The following MLLT10 variants were observed in gnomAD, a reference collection of about 807,000 sequenced individuals.
MLLT10 encodes the protein MLLT10 histone lysine methyltransferase DOT1L cofactor.
Under a neutral mutation model 129.1 loss-of-function variants are expected in MLLT10, and 30 were observed. The observed-to-expected ratio is 0.23, with a 90% CI of 0.17 to 0.32. The LOEUF (loss-of-function observed/expected upper bound fraction) is 0.32. Ranked by LOEUF, MLLT10 falls within the 10% of genes least tolerant of loss-of-function variation. The probability of loss-of-function intolerance (pLI) is 1.00; values close to 1 mark genes in which losing one functional copy is unlikely to be tolerated. For synonymous variants in MLLT10, 490 were observed against 446.4 expected, an observed-to-expected ratio of 1.10 and a Z score of -1.23; for missense variants, 1,119 against 1,268.3, an observed-to-expected ratio of 0.88 and a Z score of 1.79.
At chr10:21,634,684 G>A (rs1241675154) in intron 8 of MLLT10, among the ~76,000 whole-genome samples, 1 of 152,072 alleles carries the variant, frequency 6.6e-6, no homozygotes, top group East Asian at 1.9e-4. Context: ...TTTATTTCTT[G>A]GCATGCTTTG....
intron 4 of MLLT10, among the ~76,000 whole-genome samples, chr10:21,593,969 A>G (rs1317483366): frequency 7.7e-6 from 1 of 130,554 alleles, no homozygotes; most frequent in Non-Finnish European, 1.6e-5. Context: ...GGTGGAAATT[A>G]TTTGTAGCCA....
intron 8 of MLLT10, among the ~76,000 whole-genome samples, chr10:21,649,946 A>G (rs984959737): frequency 2.0e-5 from 3 of 152,210 alleles, no homozygotes; most frequent in African/African-American, 7.2e-5. Flanking sequence ...ATTATCTGCC[A>G]CAATCAAAAT....
chr10:21,556,597 C>A, intron 3 of MLLT10: 1 of 1,468,712 alleles, frequency 6.8e-7, no homozygotes, highest in Middle Eastern at 1.8e-4. Context: ...GAGCCAGTTA[C>A]GCGTTAGTAT....
intron 2 of MLLT10, among the ~76,000 whole-genome samples, chr10:21,535,161 CG>C (rs1176733650): frequency 1.4e-5 from 2 of 146,876 alleles, no homozygotes; most frequent in African/African-American, 5.0e-5. Flanking sequence ...GCGCCCTTCC[CG>C]GGGTTCCCGG....
At chr10:21,565,797 A>C (rs1588972989) in intron 3 of MLLT10, among the ~76,000 whole-genome samples, 1 of 150,676 alleles carries the variant, frequency 6.6e-6, no homozygotes, top group African/African-American at 2.4e-5. Flanking sequence ...GTAGGGACCA[A>C]GTCTTGTTAT....
chr10:21,546,795 T>G (rs938462166), intron 3 of MLLT10, among the ~76,000 whole-genome samples: 5 of 151,812 alleles, frequency 3.3e-5, no homozygotes, highest in African/African-American at 7.3e-5. Flanking sequence ...TGGTGCAATC[T>G]TGGCTCACCA....
intron 3 of MLLT10, among the ~76,000 whole-genome samples, chr10:21,577,041 A>G (rs536884110): frequency 1.3e-5 from 2 of 152,216 alleles, no homozygotes; most frequent in East Asian, 1.9e-4. Context: ...CCATTACCCT[A>G]CTTCCCCAGC....
chr10:21,695,230 C>T (rs923194939), intron 13 of MLLT10, among the ~76,000 whole-genome samples: 5 of 151,954 alleles, frequency 3.3e-5, no homozygotes, highest in East Asian at 1.9e-4. Context: ...TCATCACAGG[C>T]GTTTCGCCCT....
At chr10:21,628,686 C>T (rs1478721966) in intron 8 of MLLT10, among the ~76,000 whole-genome samples, 2 of 150,880 alleles carry the variant, frequency 1.3e-5, no homozygotes, top group Non-Finnish European at 2.9e-5. Flanking sequence ...GGTGATCTGC[C>T]TGCCTTGGCC....
At chr10:21,631,573 G>C (rs1303324584) in intron 8 of MLLT10, among the ~76,000 whole-genome samples, 4 of 151,976 alleles carry the variant, frequency 2.6e-5, no homozygotes, top group African/African-American at 7.3e-5. Flanking sequence ...AGGCTGTACA[G>C]GAAGCATGGC....
At chr10:21,563,411 TG>T (rs1473127654) in intron 3 of MLLT10, among the ~76,000 whole-genome samples, 1 of 151,958 alleles carries the variant, frequency 6.6e-6, no homozygotes, top group Non-Finnish European at 1.5e-5. Flanking sequence ...TAATCTCAGC[TG>T]CTTGGGAGGC....
chr10:21,717,701 T>TTCCTCCTCCTCCTCCTCCTCC (rs1431213350), intron 14 of MLLT10, among the ~76,000 whole-genome samples: 1 of 23,394 alleles, frequency 4.3e-5, no homozygotes, highest in Non-Finnish European at 7.9e-5. Flanking sequence ...CCTCCTCCTC[T>TTCCTCCTCCTCCTCCTCCTCC]TCCTCCTCCT....
intron 21 of MLLT10, among the ~76,000 whole-genome samples, chr10:21,737,495 T>C (rs1050179841): frequency 1.2e-4 from 19 of 152,264 alleles, no homozygotes; most frequent in African/African-American, 4.6e-4. Flanking sequence ...GGTATTTCAC[T>C]GCCCCAGCAA....
chr10:21,543,794 T>C (rs866309778), intron 3 of MLLT10, among the ~76,000 whole-genome samples: 5 of 152,132 alleles, frequency 3.3e-5, no homozygotes, highest in Non-Finnish European at 7.3e-5. Context: ...TGTATAATTA[T>C]GAAAGGCAGG....
intron 5 of MLLT10, among the ~76,000 whole-genome samples, chr10:21,600,495 A>C (rs1688985471): frequency 6.6e-6 from 1 of 152,126 alleles, no homozygotes; most frequent in Non-Finnish European, 1.5e-5. Context: ...TGTTTGTAAA[A>C]CAAGTCTTGT....
chr10:21,724,901 G>T (rs1243189801), intron 14 of MLLT10, among the ~76,000 whole-genome samples: 2 of 152,230 alleles, frequency 1.3e-5, no homozygotes, highest in Non-Finnish European at 2.9e-5. Context: ...TTAGCAACAT[G>T]AATGAATTAC....
At chr10:21,539,314 T>C (rs935485853) in intron 3 of MLLT10, among the ~76,000 whole-genome samples, 1 of 152,168 alleles carries the variant, frequency 6.6e-6, no homozygotes, top group African/African-American at 2.4e-5. Context: ...TTTTAGTGAC[T>C]ATCATATTCC....
chr10:21,714,470 C>G (rs1377790667), intron 14 of MLLT10, among the ~76,000 whole-genome samples: 1 of 152,134 alleles, frequency 6.6e-6, no homozygotes, highest in Non-Finnish European at 1.5e-5. Flanking sequence ...TAGGTTTTTC[C>G]ATTTGTGTAC....
At chr10:21,634,659 A>G (rs924827077) in intron 8 of MLLT10, among the ~76,000 whole-genome samples, 5 of 152,196 alleles carry the variant, frequency 3.3e-5, no homozygotes, top group Non-Finnish European at 7.3e-5. Flanking sequence ...TTCTGTTTCT[A>G]TCAATGCTTC....
Sources: gnomAD v4.1 joint callset for allele counts (sites outside exome capture counted in the v4.1 genomes callset) on GRCh38, gnomAD v4.1.1 for gene constraint, MANE v1.5 for transcripts, NCBI Gene and HGNC (gene_info 2026-07-23, HGNC 2026-07-21) for gene names.